Variants in SOX30 observed in about 807,000 individuals in gnomAD.
SOX30 encodes transcription factor SOX-30.
SOX30 carries 17 observed loss-of-function variants against 58.6 expected under a neutral mutation model. That is an observed-to-expected ratio of 0.29 (90% CI 0.20 to 0.44). The LOEUF (loss-of-function observed/expected upper bound fraction) is 0.44, where lower values mean the gene tolerates loss of function less well. Among genes scored for constraint, SOX30 ranks in the 20% least tolerant of loss-of-function variants. The pLI is 1.00. For missense variants in SOX30, 951 were observed against 965.8 expected, an observed-to-expected ratio of 0.98 and a Z score of 0.20; for synonymous variants, 421 against 400.2, an observed-to-expected ratio of 1.05 and a Z score of -0.62.
intron 2 of SOX30, among the ~76,000 whole-genome samples, chr5:157,664,882 T>C (rs1759642425): frequency 6.6e-6 from 1 of 152,060 alleles, no homozygotes; most frequent in Non-Finnish European, 1.5e-5. Flanking sequence ...GAAATGCAAA[T>C]CAAAACTGCA....
At chr5:157,627,035 T>C (rs1758673272) in intron 4 of SOX30, among the ~76,000 whole-genome samples, 1 of 152,196 alleles carries the variant, frequency 6.6e-6, no homozygotes, top group African/African-American at 2.4e-5. Flanking sequence ...TATAAGGTTT[T>C]GGAAATGCAG....
At chr5:157,657,088 A>G (rs1759486935), upstream of SOX30, among the ~76,000 whole-genome samples, 3 of 152,234 alleles carry the variant, frequency 2.0e-5, no homozygotes, top group Admixed American at 1.3e-4. Context: ...TTTGTCATCA[A>G]TAATGCACTA....
At position 157,651,738 on chromosome 5, in the gene SOX30, G is replaced by A. The variant is rs764958878; in HGVS notation, c.341C>T (p.Thr114Ile). 1 of 1,560,564 alleles carries A rather than the reference G, an allele frequency of 6.4e-7. No individual in the cohort carries two copies. The highest frequency in any genetic ancestry group is 8.7e-7 in the Non-Finnish European group (1 of 1,155,740). ...RPDLRLLQPP[T>I]ASDGATSRPE... Reference sequence around the variant, plus strand: ...CCTGGAGGTGGCGCCGTCTGACGCTGTCGGCGGCTGCAGGAGCCGCAGGTC... The same window carrying A: ...CCTGGAGGTGGCGCCGTCTGACGCTATCGGCGGCTGCAGGAGCCGCAGGTC... The change falls in exon 1 of 5, where the codon ACA (threonine) becomes ATA (isoleucine). Residue 114 changes from threonine (T) to isoleucine (I), a missense_variant. Around this residue, in one of 7 missense-constraint regions of SOX30, gnomAD observed 363 missense variants for 294.5 expected, o/e 1.23. Transcript: ENST00000265007.
intron 1 of SOX30, among the ~76,000 whole-genome samples, chr5:157,668,027 G>C (rs1465491033): frequency 6.6e-6 from 1 of 152,174 alleles, no homozygotes; most frequent in Non-Finnish European, 1.5e-5. Context: ...TGTGAACCAG[G>C]CCATACGATG....
chr5:157,669,674 G>A (rs1270931463), intron 1 of SOX30, among the ~76,000 whole-genome samples: 7 of 151,420 alleles, frequency 4.6e-5, no homozygotes, highest in Admixed American at 2.6e-4. Flanking sequence ...GCGCTACCAC[G>A]CCTGACTAAT....
In SOX30 at chr5:157,626,727, G is replaced by A. The variant is rs756333455; in HGVS notation, c.1881-6C>T. 6 of 1,583,430 alleles carry A rather than the reference G, an allele frequency of 3.8e-6. No homozygotes were observed. The highest frequency in any genetic ancestry group is 5.1e-6 in the Non-Finnish European group (6 of 1,167,944). ...GCCGACTGTAAGGGCATGTACTGCA[G>A]CAGAAAAACACAAACAAGGAATTAG... On this transcript the variant is annotated splice_polypyrimidine_tract_variant and splice_region_variant and intron_variant, in intron 4 of 4. Transcript: ENST00000265007.
intron 1 of SOX30, among the ~76,000 whole-genome samples, chr5:157,670,683 CACTTT>C (rs1759762006): frequency 6.6e-6 from 1 of 152,126 alleles, no homozygotes; most frequent in Non-Finnish European, 1.5e-5. Context: ...TCAGTTTCAC[CACTTT>C]ACAGCCTATG....
upstream of SOX30, among the ~76,000 whole-genome samples, chr5:157,655,713 G>A (rs1759459181): frequency 6.6e-6 from 1 of 152,144 alleles, no homozygotes; most frequent in Non-Finnish European, 1.5e-5. Flanking sequence ...TGAACGCCTG[G>A]CCTTCCCCAC....
rs1759255599 is a variant in SOX30, at chr5:157,648,729, T to G, written c.1135A>C (p.Ser379Arg). The part of the protein sequence containing the change: ...VQLGLEWNKL[S>R]EEQKKPYYDE... ...TAATAGGGTTTCTTTTGTTCTTCAC[T>G]AAGTTTGTTCCACTCTAACCCAAGC... Residue 379 changes from serine to arginine, a missense_variant, in exon 2 of 5, where the codon AGT becomes CGT. Ser to Arg is a moderately radical substitution (Grantham distance 110). Coordinates refer to ENST00000265007, the MANE Select transcript of SOX30 (RefSeq NM_178424.2). The G allele has an allele frequency of 6.2e-7, 1 of 1,613,734 alleles. No homozygotes were observed. The highest frequency in any genetic ancestry group is 1.3e-5 in the African/African-American group (1 of 74,770).
intron 3 of SOX30, among the ~76,000 whole-genome samples, chr5:157,641,432 G>T (rs945964392): frequency 2.0e-5 from 3 of 152,110 alleles, no homozygotes; most frequent in Non-Finnish European, 4.4e-5. Flanking sequence ...GGCCAACATG[G>T]TAAAACCCCA....
chr5:157,642,807 A>G (rs11134861), intron 3 of SOX30, among the ~76,000 whole-genome samples: 4,705 of 152,288 alleles, frequency 0.031, 147 homozygotes, highest in East Asian at 0.1. Context: ...CCTCAAAGTC[A>G]ATACTAATTG....
At chr5:157,661,723 C>T (rs1012294490) in intron 2 of SOX30, among the ~76,000 whole-genome samples, 4 of 152,220 alleles carry the variant, frequency 2.6e-5, no homozygotes, top group African/African-American at 9.6e-5. Flanking sequence ...AAATCGACCA[C>T]ACTTGGTAAT....
At chr5:157,636,180 T>C (rs952341747) in intron 4 of SOX30, among the ~76,000 whole-genome samples, 1 of 152,210 alleles carries the variant, frequency 6.6e-6, no homozygotes, top group Admixed American at 6.5e-5. Flanking sequence ...ACACAGCCCA[T>C]TGTAATTGAC....
intron 3 of SOX30, among the ~76,000 whole-genome samples, chr5:157,642,763 C>T (rs1464891327): frequency 6.6e-6 from 1 of 151,986 alleles, no homozygotes; most frequent in African/African-American, 2.4e-5. Context: ...ACTAGGCAGT[C>T]CAAAGGAAAA....
At chr5:157,628,127 C>A (rs552717548) in intron 4 of SOX30, among the ~76,000 whole-genome samples, 2 of 151,988 alleles carry the variant, frequency 1.3e-5, no homozygotes, top group South Asian at 4.2e-4. Flanking sequence ...CCAGCCTGGG[C>A]AATATAGTGA....
rs1759375773 is a variant in SOX30, at chr5:157,652,245, C to A, written c.-167G>T. The A allele has an allele frequency of 1.6e-6, 2 of 1,262,874 alleles. No individual in the cohort carries two copies. The highest frequency in any genetic ancestry group is 2.0e-6 in the Non-Finnish European group (2 of 1,008,258). 78.2% of individuals were successfully genotyped at this position (1,262,874 alleles called of 1,614,324 possible). ...CCTCACCCAATCACAACGACCGATA[C>A]CCGTGGACGGCCAATCACAGGCGGG... On this transcript the variant is annotated 5_prime_UTR_variant, in exon 1 of 5. Coordinates refer to ENST00000265007, the MANE Select transcript of SOX30 (RefSeq NM_178424.2).
chr5:157,667,774 ACAC>A, intron 2 of SOX30: 1 of 1,534,070 alleles, frequency 6.5e-7, no homozygotes, highest in Non-Finnish European at 8.7e-7. Context: ...ACACACACAC[ACAC>A]ACACACACAC....
At chr5:157,631,617 C>T (rs1336006530) in intron 4 of SOX30, among the ~76,000 whole-genome samples, 3 of 151,832 alleles carry the variant, frequency 2.0e-5, no homozygotes, top group African/African-American at 4.8e-5. Context: ...AAAAATAAGC[C>T]GGGCATGGTG....
At chr5:157,667,916 C>G (rs1178748042) in intron 1 of SOX30, 6 of 1,490,002 alleles carry the variant, frequency 4.0e-6, no homozygotes, top group Non-Finnish European at 5.4e-6. Context: ...CATTTTATAT[C>G]TTACCTCATT....
Sources: allele counts gnomAD v4.1 joint callset (sites outside exome capture counted in the v4.1 genomes callset), GRCh38; gene constraint gnomAD v4.1.1; regional missense constraint gnomAD v4.1.1; transcripts MANE v1.5; gene names NCBI Gene and HGNC (gene_info 2026-07-23, HGNC 2026-07-21).